The following RBL1 variants were observed in gnomAD, a reference collection of about 807,000 sequenced individuals.
RBL1 encodes the protein RB transcriptional corepressor like 1.
A neutral mutation model predicts 123.0 loss-of-function variants in RBL1; 82 were observed. That is an observed-to-expected ratio of 0.67 (90% confidence interval 0.56 to 0.80). The LOEUF (loss-of-function observed/expected upper bound fraction) is 0.80. Ranked by LOEUF, RBL1 falls within the 30% of genes least tolerant of loss-of-function variation. The pLI is 0.00. For synonymous variants in RBL1, 405 were observed against 441.3 expected (o/e 0.92, Z 1.03); for missense variants, 1,171 against 1,299.6 (o/e 0.90, Z 1.52).
rs1279851177 is a variant in RBL1, at chr20:37,056,216, T to C, written c.1293A>G (p.Leu431=). ...GACAGAAAGTCTCTCCTATTCCTTTTAGTATTTTCATAATGTTTTCCACAG... is the reference window on the plus strand; with the variant it reads ...GACAGAAAGTCTCTCCTATTCCTTTCAGTATTTTCATAATGTTTTCCACAG... ...RNPVENIMKI[L]KGIGETFCQH... The change falls in exon 10 of 22, where the codon CTA becomes CTG. Residue 431 remains leucine, a synonymous_variant. Transcript: ENST00000373664. 6.2e-7 allele frequency: 1 copy of C among 1,611,104 alleles called. No homozygotes were observed. Among genetic ancestry groups the C allele is most frequent in the Non-Finnish European group, 8.5e-7 (1 of 1,179,732 alleles).
chr20:37,079,689 C>T (rs1202402564), intron 2 of RBL1, among the ~76,000 whole-genome samples: 1 of 151,916 alleles, frequency 6.6e-6, no homozygotes, highest in Non-Finnish European at 1.5e-5. Context: ...ACTATGTTGC[C>T]CAGGCTGGTC....
At chr20:37,021,710 T>G (rs987838724) in intron 17 of RBL1, 2 of 156,918 alleles carry the variant, frequency 1.3e-5, no homozygotes, top group Admixed American at 6.3e-5. Flanking sequence ...CCCAAAGTGC[T>G]GGGATTACAG....
intron 19 of RBL1, among the ~76,000 whole-genome samples, chr20:37,016,204 T>C (rs2064250771): frequency 6.6e-6 from 1 of 151,588 alleles, no homozygotes; most frequent in African/African-American, 2.4e-5. Context: ...ATTTTTGTAT[T>C]TTTAGTAGAG....
chr20:37,031,512 T>C (rs1375047011), intron 16 of RBL1, among the ~76,000 whole-genome samples: 1 of 152,184 alleles, frequency 6.6e-6, no homozygotes, highest in Non-Finnish European at 1.5e-5. Context: ...TTTATACCCA[T>C]TGGATGGCCA....
intron 16 of RBL1, among the ~76,000 whole-genome samples, chr20:37,025,746 G>GT (rs113216175): frequency 0.19 from 26,042 of 140,448 alleles, 2,428 homozygotes; most frequent in Non-Finnish European, 0.22. Context: ...AGGGACCTGG[G>GT]TTTTTTTTTT....
At chr20:37,051,347 A>G (rs1245577462) in intron 11 of RBL1, among the ~76,000 whole-genome samples, 1 of 152,030 alleles carries the variant, frequency 6.6e-6, no homozygotes, top group Non-Finnish European at 1.5e-5. Flanking sequence ...CACCTGGATA[A>G]TTTGGTATTT....
At chr20:37,086,352 C>T (rs181628363) in intron 2 of RBL1, among the ~76,000 whole-genome samples, 6 of 151,790 alleles carry the variant, frequency 4.0e-5, no homozygotes, top group Admixed American at 1.3e-4. Flanking sequence ...TTAGGGAGGC[C>T]GAGGCGGGTG....
Position 36,996,822 on chromosome 20 carries a change from T to C in RBL1, c.*1937A>G, listed in dbSNP as rs2063894149. On this transcript the variant is annotated 3_prime_UTR_variant, in exon 22 of 22. Coordinates refer to ENST00000373664, the MANE Select transcript of RBL1 (RefSeq NM_002895.5). ...GATAAAAATAACAATTATAGCAACATACAAATATGTACAAAGATTCCAGAC... is the reference window on the plus strand; with the variant it reads ...GATAAAAATAACAATTATAGCAACACACAAATATGTACAAAGATTCCAGAC... The C allele has an allele frequency of 6.6e-6, 1 of 152,214 alleles. No individual in the cohort carries two copies. The highest frequency in any genetic ancestry group is 2.1e-4 in the South Asian group (1 of 4,836). The allele number at this position is 152,214 out of a possible 1,614,324, so 9.4% of individuals were successfully genotyped here.
At chr20:37,013,638 G>GTC (rs1355735122) in intron 19 of RBL1, among the ~76,000 whole-genome samples, 1 of 151,580 alleles carries the variant, frequency 6.6e-6, no homozygotes, top group Non-Finnish European at 1.5e-5. Context: ...CCATGAAAGG[G>GTC]ATGAAAGATC....
intron 2 of RBL1, among the ~76,000 whole-genome samples, chr20:37,084,378 G>A (rs2065506339): frequency 6.6e-6 from 1 of 151,674 alleles, no homozygotes; most frequent in African/African-American, 2.4e-5. Flanking sequence ...AAATATCCTA[G>A]TATCATTAAA....
At chr20:37,000,692 C>T (rs1461324893) in intron 21 of RBL1, among the ~76,000 whole-genome samples, 228 of 104,038 alleles carry the variant, frequency 2.2e-3, no homozygotes, top group African/African-American at 3.8e-3. Flanking sequence ...CCCCTCTGCC[C>T]GGCCAGCCGC....
intron 9 of RBL1, among the ~76,000 whole-genome samples, chr20:37,056,543 T>C (rs2065010698): frequency 1.3e-5 from 2 of 151,920 alleles, no homozygotes; most frequent in Admixed American, 1.3e-4. Flanking sequence ...TTAGTAGAGA[T>C]GGGGTTTCAC....
intron 15 of RBL1, among the ~76,000 whole-genome samples, chr20:37,034,800 T>G (rs983864855): frequency 2.0e-5 from 3 of 150,006 alleles, no homozygotes; most frequent in African/African-American, 7.4e-5. Context: ...AACAAAAAGG[T>G]GGGGCACAGA....
chr20:37,073,816 C>T lies in RBL1; in HGVS notation c.291-5630G>A, dbSNP rs117013286. On this transcript the variant is annotated intron_variant, in intron 2 of 21. Coordinates refer to ENST00000373664, the MANE Select transcript of RBL1 (RefSeq NM_002895.5). ...GGAGGACTGCTTGAGCTGAGGAATT[C>T]GAGATGAGTCTGGGCAACATAGTGT... Among the ~76,000 whole-genome samples the T allele has an allele frequency of 7.5e-4, 113 of 150,938 alleles. No individual in the cohort carries two copies. In the East Asian group the frequency reaches 0.011, roughly 15 times the overall value.
intron 20 of RBL1, 59 bp from the exon 21 acceptor site, chr20:37,003,925 C>T: frequency 6.9e-7 from 1 of 1,444,734 alleles, no homozygotes; most frequent in Non-Finnish European, 9.3e-7. Flanking sequence ...TTTTGAATCC[C>T]ATATTTTTAT....
At chr20:37,091,896 G>C (rs1278136080) in intron 1 of RBL1, among the ~76,000 whole-genome samples, 2 of 152,128 alleles carry the variant, frequency 1.3e-5, no homozygotes, top group East Asian at 3.9e-4. Context: ...AGCACTAAAT[G>C]AGGCAGGTAA....
chr20:37,071,163 G>A lies in RBL1; in HGVS notation c.291-2977C>T, dbSNP rs563513194. Reference sequence around the variant, plus strand: ...ACCTGCCTCGGCCTCCCAAAGTGCTGGGATTACAGGCATGAACCACTGCAC... The same window carrying A: ...ACCTGCCTCGGCCTCCCAAAGTGCTAGGATTACAGGCATGAACCACTGCAC... On this transcript the variant is annotated intron_variant, in intron 2 of 21. Coordinates refer to ENST00000373664, the MANE Select transcript of RBL1 (RefSeq NM_002895.5). Among the ~76,000 whole-genome samples the A allele has an allele frequency of 9.3e-4, 142 of 152,150 alleles. 1 individual carries two copies. Among genetic ancestry groups the A allele is most frequent in the African/African-American group, 3.4e-3 (141 of 41,500 alleles).
chr20:37,044,819 G>A (rs1600521495), intron 12 of RBL1, among the ~76,000 whole-genome samples: 1 of 152,136 alleles, frequency 6.6e-6, no homozygotes, highest in Admixed American at 6.6e-5. Flanking sequence ...GGTGAAAACT[G>A]GTCAACAGAC....
At chr20:37,008,058 G>A (rs1251708432) in intron 19 of RBL1, among the ~76,000 whole-genome samples, 1 of 152,168 alleles carries the variant, frequency 6.6e-6, no homozygotes, top group Non-Finnish European at 1.5e-5. Context: ...GCAAACATAT[G>A]AACTGAAGGT....
Sources: allele counts gnomAD v4.1 joint callset (sites outside exome capture counted in the v4.1 genomes callset), GRCh38; gene constraint gnomAD v4.1.1; transcripts MANE v1.5; gene names NCBI Gene and HGNC (gene_info 2026-07-23, HGNC 2026-07-21).